Variants in GNAO1 observed in about 807,000 individuals in gnomAD.
GNAO1 encodes the protein guanine nucleotide-binding protein G(o) subunit alpha.
For missense variants in GNAO1, 166 were observed against 478.7 expected (o/e 0.35, Z 6.10); for synonymous variants, 164 against 180.7 (o/e 0.91, Z 0.74).
intron 2 of GNAO1, among the ~76,000 whole-genome samples, chr16:56,205,371 G>C (rs1482621454): frequency 6.6e-6 from 1 of 152,218 alleles, no homozygotes; most frequent in Non-Finnish European, 1.5e-5. Context: ...GACAACAAGA[G>C]CTGGAGGGAC....
chr16:56,197,797 A>G (rs2143291352), intron 2 of GNAO1, among the ~76,000 whole-genome samples: 1 of 152,290 alleles, frequency 6.6e-6, no homozygotes, highest in South Asian at 2.1e-4. Context: ...TAAAGATAGG[A>G]CAAGATCACT....
intron 3 of GNAO1, among the ~76,000 whole-genome samples, chr16:56,317,704 G>T (rs1438622216): frequency 1.3e-5 from 2 of 152,150 alleles, no homozygotes. Flanking sequence ...GGTGGTGCAG[G>T]ATGTGTGGCT....
At chr16:56,256,716 C>G (rs55715882) in intron 2 of GNAO1, among the ~76,000 whole-genome samples, 3,595 of 89,870 alleles carry the variant, frequency 0.04, 47 homozygotes, top group South Asian at 0.068. Context: ...CTCTCTCTCT[C>G]TCTGTGTGTG....
intron 2 of GNAO1, chr16:56,193,859 C>T (rs1231437154): frequency 8.5e-6 from 3 of 351,962 alleles, no homozygotes; most frequent in Non-Finnish European, 1.1e-5. Context: ...GTGACACCTT[C>T]GTGCACACAC....
intron 6 of GNAO1, chr16:56,344,500 T>C (rs955829201): frequency 2.7e-5 from 27 of 988,596 alleles, no homozygotes; most frequent in Middle Eastern, 1.0e-3. Context: ...GTCTCCCTGC[T>C]CCCTCCCCTG....
intron 2 of GNAO1, among the ~76,000 whole-genome samples, chr16:56,247,627 A>C (rs1175983082): frequency 1.3e-5 from 2 of 152,044 alleles, no homozygotes; most frequent in African/African-American, 4.8e-5. Flanking sequence ...ATTGGATTAG[A>C]ATGGATTGAA....
At position 56,298,444 on chromosome 16, in the gene GNAO1, G is replaced by A. The variant is rs774044947; in HGVS notation, c.303+22372G>A. Among the ~76,000 whole-genome samples the A allele has an allele frequency of 2.6e-5, 4 of 152,164 alleles. No homozygotes were observed. The East Asian group carries it at 5.8e-4, about 22-fold the overall frequency. On this transcript the variant is annotated intron_variant, in intron 3 of 8. Coordinates refer to ENST00000262493, the MANE Select transcript of GNAO1 (RefSeq NM_020988.3). Reference sequence around the variant, plus strand: ...AGGGCAGTAACAACTTCCCCCACACGTGGGGCATATATGCCAGGCTCTGAG... The same window carrying A: ...AGGGCAGTAACAACTTCCCCCACACATGGGGCATATATGCCAGGCTCTGAG...
At chr16:56,294,246 G>A (rs907778034) in intron 3 of GNAO1, among the ~76,000 whole-genome samples, 4 of 151,974 alleles carry the variant, frequency 2.6e-5, no homozygotes, top group African/African-American at 9.7e-5. Context: ...TCCCATAGGC[G>A]GGATGGGGGA....
intron 2 of GNAO1, chr16:56,193,398 C>T (rs2036200212): frequency 6.5e-6 from 1 of 153,398 alleles, no homozygotes; most frequent in African/African-American, 2.4e-5. Flanking sequence ...CAGCATTGCT[C>T]TCCTGACACC....
intron 2 of GNAO1, among the ~76,000 whole-genome samples, chr16:56,220,555 C>G (rs1433967965): frequency 6.6e-6 from 1 of 151,510 alleles, no homozygotes; most frequent in Non-Finnish European, 1.5e-5. Flanking sequence ...AAAAATGCTC[C>G]TGCATTTTTT....
chr16:56,194,340 T>A (rs1176261614), intron 2 of GNAO1: 1 of 446,310 alleles, frequency 2.2e-6, no homozygotes, highest in Admixed American at 2.4e-5. Flanking sequence ...CCCTTGCAGA[T>A]CTGTAAATGC....
chr16:56,264,534 G>A lies in GNAO1; in HGVS notation c.162-11397G>A, dbSNP rs565000031. Among the ~76,000 whole-genome samples the A allele has an allele frequency of 1.7e-3, 264 of 152,316 alleles. 1 individual carries two copies. Among genetic ancestry groups the A allele is most frequent in the African/African-American group, 5.9e-3 (247 of 41,560 alleles). On this transcript the variant is annotated intron_variant, in intron 2 of 8. Transcript: ENST00000262493. ...CAGCTGACATCTTTGCTTCTGGCCA[G>A]AGCTACCCCTTATTAAAAATGGCAT...
intron 3 of GNAO1, among the ~76,000 whole-genome samples, chr16:56,288,935 C>T (rs1271845281): frequency 6.6e-6 from 1 of 152,114 alleles, no homozygotes; most frequent in African/African-American, 2.4e-5. Flanking sequence ...CCCTCCCCCA[C>T]CCTACCTCCT....
chr16:56,349,292 T>C (rs1466516664), intron 6 of GNAO1, among the ~76,000 whole-genome samples: 2 of 152,220 alleles, frequency 1.3e-5, no homozygotes, highest in African/African-American at 4.8e-5. Flanking sequence ...AGCTTGGCTC[T>C]GGCTGTGGGT....
At chr16:56,269,085 G>A (rs1240599262) in intron 2 of GNAO1, among the ~76,000 whole-genome samples, 3 of 152,214 alleles carry the variant, frequency 2.0e-5, no homozygotes, top group African/African-American at 7.2e-5. Flanking sequence ...GGCAGCCACA[G>A]CACAGCTCTC....
chr16:56,266,810 G>A lies in GNAO1; in HGVS notation c.162-9121G>A, dbSNP rs143147495. Among the ~76,000 whole-genome samples, 52 of 152,266 alleles carry A rather than the reference G, an allele frequency of 3.4e-4. 1 individual carries two copies. The East Asian group carries it at 0.01, about 29-fold the overall frequency. On this transcript the variant is annotated intron_variant, in intron 2 of 8. Transcript: ENST00000262493. ...ACTTGCCCACAGTCCAACTGTCAGT[G>A]AATAGGAGACTCAGGGTGTGCCCCA...
chr16:56,260,795 C>T (rs565060071), intron 2 of GNAO1, among the ~76,000 whole-genome samples: 76 of 152,186 alleles, frequency 5.0e-4, no homozygotes, highest in Middle Eastern at 6.8e-3. Context: ...GGAGCCGCGG[C>T]GGGGCTATTT....
At chr16:56,239,897 C>T (rs1436599624) in intron 2 of GNAO1, among the ~76,000 whole-genome samples, 3 of 152,142 alleles carry the variant, frequency 2.0e-5, no homozygotes, top group Admixed American at 6.5e-5. Flanking sequence ...TATAGCATTG[C>T]CTTGGGGTAG....
chr16:56,269,512 C>A (rs1218407898), intron 2 of GNAO1, among the ~76,000 whole-genome samples: 1 of 152,196 alleles, frequency 6.6e-6, no homozygotes, highest in Non-Finnish European at 1.5e-5. Context: ...TGGATTCATT[C>A]TTTTGATCCT....
Sources: gnomAD v4.1 joint callset for allele counts (sites outside exome capture counted in the v4.1 genomes callset) on GRCh38, gnomAD v4.1.1 for gene constraint, MANE v1.5 for transcripts, NCBI Gene and HGNC (gene_info 2026-07-23, HGNC 2026-07-21) for gene names.